Variants in CTNND2 observed in about 807,000 individuals in gnomAD.
The protein encoded by CTNND2 is catenin delta-2.
A neutral mutation model predicts 144.4 loss-of-function variants in CTNND2; 22 were observed. That is an observed-to-expected ratio of 0.15 (90% CI 0.11 to 0.22). The LOEUF is 0.22. Among genes scored for constraint, CTNND2 ranks in the 10% least tolerant of loss-of-function variants. The probability of loss-of-function intolerance (pLI) is 1.00; values close to 1 mark genes in which losing one functional copy is unlikely to be tolerated. For synonymous variants in CTNND2, 751 were observed against 695.6 expected (o/e 1.08, Z -1.25); for missense variants, 1,353 against 1,618.8 (o/e 0.84, Z 2.82).
At chr5:11,547,978 G>A (rs1775392921) in intron 3 of CTNND2, among the ~76,000 whole-genome samples, 1 of 152,100 alleles carries the variant, frequency 6.6e-6, no homozygotes, top group African/African-American at 2.4e-5. Flanking sequence ...AAACCCTGCA[G>A]ACTCTGCAAA....
chr5:11,254,362 C>T (rs1478499404), intron 9 of CTNND2, among the ~76,000 whole-genome samples: 2 of 152,174 alleles, frequency 1.3e-5, no homozygotes, highest in Non-Finnish European at 2.9e-5. Context: ...ACCACACATC[C>T]AGGTAAAGGA....
chr5:11,709,362 G>T (rs1396924602), intron 2 of CTNND2, among the ~76,000 whole-genome samples: 1 of 152,212 alleles, frequency 6.6e-6, no homozygotes, highest in Non-Finnish European at 1.5e-5. Context: ...CTACACAGCA[G>T]TGTGAATGAT....
At chr5:11,150,779 AGCT>A in intron 12 of CTNND2, among the ~76,000 whole-genome samples, 2 of 151,908 alleles carry the variant, frequency 1.3e-5, no homozygotes, top group Admixed American at 1.3e-4. Context: ...GGTGCCCGCC[AGCT>A]CACCCGGCTA....
At chr5:11,301,952 T>C (rs1415006047) in intron 9 of CTNND2, among the ~76,000 whole-genome samples, 1 of 152,204 alleles carries the variant, frequency 6.6e-6, no homozygotes. Flanking sequence ...AGTTGTGTCC[T>C]TGAGGAAGAG....
intron 2 of CTNND2, among the ~76,000 whole-genome samples, chr5:11,655,991 T>C (rs1782894264): frequency 6.8e-6 from 1 of 146,550 alleles, no homozygotes; most frequent in Non-Finnish European, 1.5e-5. Context: ...TGCAGCAGAT[T>C]ATTCTTTGAT....
intron 7 of CTNND2, among the ~76,000 whole-genome samples, chr5:11,374,713 T>A (rs1581046830): frequency 6.6e-6 from 1 of 151,934 alleles, no homozygotes. Context: ...CCAGACCTCA[T>A]TATTATGGAT....
Position 10,998,816 on chromosome 5 carries a change from A to G in CTNND2, c.3085-6139T>C, listed in dbSNP as rs1739619770. 5.3e-5 allele frequency among the ~76,000 whole-genome samples: 8 copies of G among 152,356 alleles called. No individual in the cohort carries two copies. In the South Asian group the frequency reaches 1.7e-3, roughly 32 times the overall value. On this transcript the variant is annotated intron_variant, in intron 18 of 21. Coordinates refer to ENST00000304623, the MANE Select transcript of CTNND2 (RefSeq NM_001332.4). ...ACATTACATATTATAATTAATCTAG[A>G]AATGATTTAAAGTTTACAGGAAAAT...
intron 18 of CTNND2, among the ~76,000 whole-genome samples, chr5:10,995,254 A>T (rs534413742): frequency 6.6e-6 from 1 of 152,340 alleles, no homozygotes; most frequent in Non-Finnish European, 1.5e-5. Flanking sequence ...TCCAATATTG[A>T]GAGGGGTGCA....
chr5:11,521,836 A>G, intron 3 of CTNND2, among the ~76,000 whole-genome samples: 1 of 152,244 alleles, frequency 6.6e-6, no homozygotes, highest in East Asian at 1.9e-4. Flanking sequence ...AGGAAATAAC[A>G]TAGAGAGCTT....
chr5:11,188,879 C>T (rs1479618164), intron 11 of CTNND2, among the ~76,000 whole-genome samples: 1 of 152,186 alleles, frequency 6.6e-6, no homozygotes, highest in Non-Finnish European at 1.5e-5. Context: ...CGGGGCTTTT[C>T]CTTTCTTCAA....
chr5:11,881,081 T>C (rs1194272654), intron 1 of CTNND2, among the ~76,000 whole-genome samples: 1 of 150,004 alleles, frequency 6.7e-6, no homozygotes, highest in Non-Finnish European at 1.5e-5. Context: ...ATTATCATTA[T>C]TATTAAAGGG....
At chr5:11,356,591 C>T (rs553281955) in intron 8 of CTNND2, among the ~76,000 whole-genome samples, 44 of 152,010 alleles carry the variant, frequency 2.9e-4, no homozygotes, top group Middle Eastern at 3.4e-3. Context: ...AACTTTGAAA[C>T]AACTAGAAGA....
chr5:11,728,596 C>T (rs917865178), intron 2 of CTNND2, among the ~76,000 whole-genome samples: 15 of 152,102 alleles, frequency 9.9e-5, no homozygotes, highest in Admixed American at 8.5e-4. Flanking sequence ...TCACCAATAT[C>T]CTAAATAATG....
rs960958279 is a variant in CTNND2 at position 11,884,940 on chromosome 5, G to A, written c.37+18877C>T. On this transcript the variant is annotated intron_variant, in intron 1 of 21. Transcript: ENST00000304623. Reference sequence around the variant, plus strand: ...AATCATATAGTGTTTTGTCCATTCCGTTGATGTGATGTACCATAATTAATG... The same window carrying A: ...AATCATATAGTGTTTTGTCCATTCCATTGATGTGATGTACCATAATTAATG... Among the ~76,000 whole-genome samples the A allele has an allele frequency of 4.6e-5, 7 of 151,620 alleles. No individual in the cohort carries two copies. The East Asian group carries it at 7.7e-4, about 17-fold the overall frequency.
chr5:11,324,967 TA>T (rs1179960143), intron 9 of CTNND2, among the ~76,000 whole-genome samples: 1 of 150,934 alleles, frequency 6.6e-6, no homozygotes, highest in Non-Finnish European at 1.5e-5. Context: ...TTTTTTTGTC[TA>T]AAGAGTGAAA....
chr5:11,230,853 C>T (rs989295390), intron 10 of CTNND2, among the ~76,000 whole-genome samples: 2 of 152,214 alleles, frequency 1.3e-5, no homozygotes, highest in Non-Finnish European at 2.9e-5. Flanking sequence ...GATCAGAGAA[C>T]TCAGTGGAAT....
At chr5:11,362,896 A>T (rs765845728) in intron 8 of CTNND2, among the ~76,000 whole-genome samples, 3 of 152,190 alleles carry the variant, frequency 2.0e-5, no homozygotes, top group Non-Finnish European at 4.4e-5. Context: ...TGTCACGGGC[A>T]CTCCACTCTG....
intron 12 of CTNND2, among the ~76,000 whole-genome samples, chr5:11,129,209 T>TATATAA (rs1554050061): frequency 3.6e-5 from 1 of 27,478 alleles, no homozygotes; most frequent in East Asian, 2.2e-3. Flanking sequence ...TATTATATAT[T>TATATAA]TATATATTAT....
intron 1 of CTNND2, among the ~76,000 whole-genome samples, chr5:11,819,690 G>T (rs905236598): frequency 6.6e-6 from 1 of 152,058 alleles, no homozygotes; most frequent in African/African-American, 2.4e-5. Flanking sequence ...AACTTTTGCC[G>T]CCTCTTTCAC....
Sources: gnomAD v4.1 joint callset for allele counts (sites outside exome capture counted in the v4.1 genomes callset) on GRCh38, gnomAD v4.1.1 for gene constraint, MANE v1.5 for transcripts, NCBI Gene and HGNC (gene_info 2026-07-23, HGNC 2026-07-21) for gene names.